Variants in RFX3 observed in about 807,000 individuals in gnomAD.
RFX3 encodes regulatory factor X3.
Under a neutral mutation model 98.6 loss-of-function variants are expected in RFX3, and 14 were observed. The observed-to-expected ratio is 0.14, with a 90% CI of 0.09 to 0.22. RFX3 has a LOEUF of 0.22. RFX3 is among the 10% of genes least tolerant of loss of function. The probability of loss-of-function intolerance (pLI) is 1.00; values close to 1 mark genes in which losing one functional copy is unlikely to be tolerated. For synonymous variants in RFX3, 383 were observed against 328.4 expected (o/e 1.17, Z -1.80); for missense variants, 639 against 926.9 (o/e 0.69, Z 4.03).
At chr9:3,288,883 A>C (rs1246462758) in intron 6 of RFX3, among the ~76,000 whole-genome samples, 1 of 151,950 alleles carries the variant, frequency 6.6e-6, no homozygotes. Flanking sequence ...GTTTTTATGG[A>C]TTTGTGTTAG....
At chr9:3,333,741 G>A (rs1229808277) in intron 3 of RFX3, among the ~76,000 whole-genome samples, 1 of 152,124 alleles carries the variant, frequency 6.6e-6, no homozygotes, top group Non-Finnish European at 1.5e-5. Flanking sequence ...TAAATACTTT[G>A]AGAGATGCGG....
At chr9:3,225,840 A>C (rs1001354770) in intron 16 of RFX3, among the ~76,000 whole-genome samples, 1 of 152,192 alleles carries the variant, frequency 6.6e-6, no homozygotes, top group Non-Finnish European at 1.5e-5. Context: ...ATAAACCCTT[A>C]ATTTTTATTA....
chr9:3,297,007 T>C (rs777607503), intron 5 of RFX3, among the ~76,000 whole-genome samples: 12 of 152,110 alleles, frequency 7.9e-5, no homozygotes, highest in Non-Finnish European at 1.8e-4. Context: ...TAAAACATAG[T>C]ATTAGGAAGC....
At chr9:3,261,617 A>T (rs751569829) in intron 13 of RFX3, among the ~76,000 whole-genome samples, 4 of 152,066 alleles carry the variant, frequency 2.6e-5, no homozygotes, top group Non-Finnish European at 5.9e-5. Context: ...ACCTCTATGT[A>T]TAAGTTTTGT....
At chr9:3,491,609 T>C (rs1188533521) in intron 1 of RFX3, among the ~76,000 whole-genome samples, 1 of 152,234 alleles carries the variant, frequency 6.6e-6, no homozygotes, top group African/African-American at 2.4e-5. Flanking sequence ...CAGTCATCTG[T>C]GTTCTTCTTT....
intron 1 of RFX3, among the ~76,000 whole-genome samples, chr9:3,468,827 A>AG (rs1848541154): frequency 1.3e-5 from 2 of 151,050 alleles, no homozygotes; most frequent in East Asian, 3.9e-4. Flanking sequence ...AAAAAAAAAA[A>AG]AAAAGAAAAA....
intron 2 of RFX3, among the ~76,000 whole-genome samples, chr9:3,360,501 T>C (rs1836289687): frequency 6.6e-6 from 1 of 152,096 alleles, no homozygotes; most frequent in South Asian, 2.1e-4. Flanking sequence ...CCAGAATTTA[T>C]TCTGTCAACT....
intron 1 of RFX3, among the ~76,000 whole-genome samples, chr9:3,462,888 C>T (rs993541263): frequency 3.9e-5 from 6 of 151,976 alleles, no homozygotes; most frequent in African/African-American, 1.4e-4. Flanking sequence ...CCACTAAAAA[C>T]TGCAAGACAC....
intron 15 of RFX3, among the ~76,000 whole-genome samples, chr9:3,235,161 T>A (rs928450482): frequency 6.6e-6 from 1 of 152,192 alleles, no homozygotes; most frequent in African/African-American, 2.4e-5. Flanking sequence ...TTTACATGTG[T>A]TATTCAGGTG....
chr9:3,357,228 A>T (rs1835884636), intron 2 of RFX3, among the ~76,000 whole-genome samples: 1 of 152,000 alleles, frequency 6.6e-6, no homozygotes. Flanking sequence ...GTAAACCTTG[A>T]TGGATATTTT....
intron 5 of RFX3, among the ~76,000 whole-genome samples, chr9:3,301,194 T>G (rs1210523349): frequency 1.3e-5 from 2 of 151,602 alleles, no homozygotes; most frequent in African/African-American, 4.8e-5. Flanking sequence ...TTGACAGAGA[T>G]GCAGATTACA....
In RFX3 at chr9:3,422,195, G is replaced by A. The variant is rs145708712; in HGVS notation, c.-8-26599C>T. Among the ~76,000 whole-genome samples, 7 of 152,242 alleles carry A rather than the reference G, an allele frequency of 4.6e-5. No homozygotes were observed. The East Asian group carries it at 1.4e-3, about 29-fold the overall frequency. The stretch of plus-strand genomic sequence containing the variant: ...CAGCTAAATCTTCCTGGCACAAATA[G>A]CAATGAACATTATCCCACTCACCCA... On this transcript the variant is annotated intron_variant, in intron 1 of 16. Coordinates refer to ENST00000617270, the MANE Select transcript of RFX3 (RefSeq NM_001282116.2).
In RFX3 at chr9:3,224,937, C is replaced by T; in HGVS notation, c.*105G>A. The T allele has an allele frequency of 8.8e-7, 1 of 1,132,908 alleles. No individual in the cohort carries two copies. Among genetic ancestry groups the T allele is most frequent in the Non-Finnish European group, 1.3e-6 (1 of 776,496 alleles). The allele number at this position is 1,132,908 out of a possible 1,614,324, so 70.2% of individuals were successfully genotyped here. A position where few individuals can be genotyped will look rare whatever the true frequency, so the allele number is the denominator to read the frequency against. ...AACTCCAAAAAGTTAATGTTCAGCA[C>T]AGATAGAATTTGACAACAGTCGACC... On this transcript the variant is annotated 3_prime_UTR_variant, in exon 17 of 17. Coordinates refer to ENST00000617270, the MANE Select transcript of RFX3 (RefSeq NM_001282116.2).
At chr9:3,296,759 A>G (rs944908491) in intron 5 of RFX3, among the ~76,000 whole-genome samples, 3 of 152,026 alleles carry the variant, frequency 2.0e-5, no homozygotes, top group Non-Finnish European at 4.4e-5. Flanking sequence ...AAAGCCCTGA[A>G]AGGATGGAGA....
rs191752241 is a variant in RFX3, at chr9:3,489,998, C to T, written c.-9+35749G>A. Among the ~76,000 whole-genome samples the T allele has an allele frequency of 5.9e-5, 9 of 151,978 alleles. No individual in the cohort carries two copies. The East Asian group carries it at 1.2e-3, about 20-fold the overall frequency. The stretch of plus-strand genomic sequence containing the variant: ...TCTCTTCTGGTTTTTACAGCACCAC[C>T]GAAAGCTAGGTTAACTGAAGCATTT... On this transcript the variant is annotated intron_variant, in intron 1 of 16. Coordinates refer to ENST00000617270, the MANE Select transcript of RFX3 (RefSeq NM_001282116.2).
intron 1 of RFX3, among the ~76,000 whole-genome samples, chr9:3,455,704 T>C (rs1410764759): frequency 6.6e-6 from 1 of 152,232 alleles, no homozygotes; most frequent in East Asian, 1.9e-4. Flanking sequence ...TCTAATAATT[T>C]CTCTACACTA....
In RFX3 at chr9:3,262,943, T is replaced by C; in HGVS notation, c.1597A>G (p.Asn533Asp). The change falls in exon 13 of 17, where the codon AAT becomes GAT. Residue 533 changes from asparagine (N) to aspartate (D), a missense_variant. By Grantham distance (23) the Asn-to-Asp change is conservative. This residue lies in a region of RFX3 where 138 missense variants were observed against 308.9 expected (regional missense o/e 0.45). Transcript: ENST00000617270. ...LSDLNRVDFA[N>D]VQEQASWVCQ... ...GCAAGGAAATAGAATACCTGGACAT[T>C]GGCAAAGTCGACACGGTTGAGGTCA... is the stretch of plus-strand genomic sequence containing the variant. 6.2e-7 allele frequency: 1 copy of C among 1,613,502 alleles called. No homozygotes were observed. The highest frequency in any genetic ancestry group is 8.5e-7 in the Non-Finnish European group (1 of 1,179,610).
intron 2 of RFX3, among the ~76,000 whole-genome samples, chr9:3,373,133 G>A (rs181495838): frequency 1.3e-5 from 2 of 152,152 alleles, no homozygotes; most frequent in African/African-American, 2.4e-5. Flanking sequence ...AGGTATGGGG[G>A]AAGACTAGCA....
At chr9:3,430,577 T>A (rs1181605663) in intron 1 of RFX3, among the ~76,000 whole-genome samples, 1 of 152,196 alleles carries the variant, frequency 6.6e-6, no homozygotes, top group Non-Finnish European at 1.5e-5. Context: ...ATGACACCAA[T>A]ATTTTTAATT....
Sources: gnomAD v4.1 joint callset for allele counts (sites outside exome capture counted in the v4.1 genomes callset) on GRCh38, gnomAD v4.1.1 for gene constraint, gnomAD v4.1.1 regional missense constraint, MANE v1.5 for transcripts, NCBI Gene and HGNC (gene_info 2026-07-23, HGNC 2026-07-21) for gene names.